The following DST variants were observed in gnomAD, a reference collection of about 807,000 sequenced individuals.
The protein encoded by DST is bullous pemphigoid antigen.
DST carries 253 observed loss-of-function variants against 875.2 expected under a neutral mutation model. The observed-to-expected ratio is 0.29, with a 90% CI of 0.26 to 0.32. The LOEUF (loss-of-function observed/expected upper bound fraction) is 0.32. Among genes scored for constraint, DST ranks in the 10% least tolerant of loss-of-function variants. The pLI, the probability that DST is intolerant of heterozygous loss-of-function variation, is 1.00. For missense variants in DST, 8,287 were observed against 9,111.6 expected (o/e 0.91, Z 3.68); for synonymous variants, 3,124 against 3,197.1 (o/e 0.98, Z 0.77).
chr6:56,684,836 C>T (rs1239760643), intron 9 of DST, among the ~76,000 whole-genome samples: 1 of 152,142 alleles, frequency 6.6e-6, no homozygotes, highest in African/African-American at 2.4e-5. Context: ...TGGAGCTTCT[C>T]GGCTTCTATA....
chr6:56,577,958 G>A (rs1450820142), intron 50 of DST, among the ~76,000 whole-genome samples: 2 of 152,016 alleles, frequency 1.3e-5, no homozygotes, highest in Non-Finnish European at 2.9e-5. Context: ...CAAATGTTGG[G>A]ATTACAGGTG....
chr6:56,477,636 G>T, intron 90 of DST, 148 bp from the exon 91 acceptor site: 1 of 988,572 alleles, frequency 1.0e-6, no homozygotes, highest in Non-Finnish European at 1.5e-6. Context: ...AATTGGGGAG[G>T]AAAAGGGGAC....
At chr6:56,654,145 C>T (rs368400011) in intron 10 of DST, among the ~76,000 whole-genome samples, 5 of 152,104 alleles carry the variant, frequency 3.3e-5, no homozygotes, top group African/African-American at 1.2e-4. Flanking sequence ...ATAATGTGAT[C>T]CTTTGCCACT....
At chr6:56,938,080 CTT>C (rs1332183048) in intron 2 of DST, among the ~76,000 whole-genome samples, 92 of 73,394 alleles carry the variant, frequency 1.3e-3, no homozygotes, top group South Asian at 5.5e-3. Context: ...CTCTCTCTCT[CTT>C]TCTCTCTCTC....
At chr6:56,743,577 AAT>A (rs1244123522) in intron 4 of DST, among the ~76,000 whole-genome samples, 4 of 152,190 alleles carry the variant, frequency 2.6e-5, no homozygotes, top group Non-Finnish European at 5.9e-5. Flanking sequence ...GGATAATAAT[AAT>A]AGCAAACACT....
At chr6:56,580,616 G>A (rs2097957851) in intron 49 of DST, among the ~76,000 whole-genome samples, 1 of 151,374 alleles carries the variant, frequency 6.6e-6, no homozygotes, top group South Asian at 2.1e-4. Flanking sequence ...ATTACAGAAT[G>A]TTCTAGTAGA....
chr6:56,703,439 C>G (rs962608269), intron 7 of DST, among the ~76,000 whole-genome samples: 16 of 152,084 alleles, frequency 1.1e-4, no homozygotes, highest in African/African-American at 3.9e-4. Context: ...ATAAATAATT[C>G]AATCATTTTA....
Position 56,593,752 on chromosome 6 carries a change from C to G in DST, c.12637G>C (p.Gly4213Arg). The change falls in exon 48 of 104, where the codon GGT (glycine) becomes CGT (arginine). Residue 4213 changes from glycine (G) to arginine (R), a missense_variant. Around this residue, in one of 10 missense-constraint regions of DST, gnomAD observed 1,513 missense variants for 1,677.8 expected, o/e 0.90. Coordinates refer to ENST00000680361, the MANE Select transcript of DST (RefSeq NM_001374736.1). Reference protein sequence around the residue: ...EAAKSCSKRDGGKVDTSATHR... With the variant: ...EAAKSCSKRDRGKVDTSATHR... Reference sequence around the variant, plus strand: ...GTTGCAGAAGTATCAACCTTGCCACCGTCTCTCTTGCTGCAAGATTTGGCA... The same window carrying G: ...GTTGCAGAAGTATCAACCTTGCCACGGTCTCTCTTGCTGCAAGATTTGGCA... The G allele has an allele frequency of 6.2e-7, 1 of 1,613,856 alleles. No homozygotes were observed. The highest frequency in any genetic ancestry group is 8.5e-7 in the Non-Finnish European group (1 of 1,179,836).
intron 10 of DST, among the ~76,000 whole-genome samples, chr6:56,665,154 T>G (rs1434085395): frequency 6.6e-6 from 1 of 152,196 alleles, no homozygotes; most frequent in African/African-American, 2.4e-5. Flanking sequence ...AGTTCTTTCA[T>G]TATCCATAAT....
chr6:56,823,218 TTGTTGTC>T (rs2099775245), intron 4 of DST, among the ~76,000 whole-genome samples: 1 of 152,144 alleles, frequency 6.6e-6, no homozygotes, highest in Non-Finnish European at 1.5e-5. Context: ...AATTTTGCCA[TTGTTGTC>T]TAAAGGCACA....
chr6:56,785,233 C>G (rs573091074), intron 4 of DST, among the ~76,000 whole-genome samples: 1 of 152,224 alleles, frequency 6.6e-6, no homozygotes, highest in Non-Finnish European at 1.5e-5. Context: ...AGAACCACTG[C>G]TCTCCTCAAA....
chr6:56,477,584 C>A, intron 90 of DST, 96 bp from the exon 91 acceptor site: 2 of 1,474,654 alleles, frequency 1.4e-6, no homozygotes, highest in Non-Finnish European at 1.9e-6. Flanking sequence ...AACAAATAAA[C>A]AAAAACTTCA....
chr6:56,834,307 A>T lies in DST; in HGVS notation c.625+17090T>A, dbSNP rs1420898347. Among the ~76,000 whole-genome samples, 3 of 152,110 alleles carry T rather than the reference A, an allele frequency of 2.0e-5. No individual in the cohort carries two copies. The East Asian group carries it at 5.8e-4, about 29-fold the overall frequency. On this transcript the variant is annotated intron_variant, in intron 4 of 103. Transcript: ENST00000680361. ...GAAATACACAGATGACAAGCATATAAAAAGATACCAGCCAGGTGCGGTGGC... is the reference window on the plus strand; with the variant it reads ...GAAATACACAGATGACAAGCATATATAAAGATACCAGCCAGGTGCGGTGGC...
At chr6:56,896,629 T>A (rs577376544) in intron 3 of DST, among the ~76,000 whole-genome samples, 1 of 152,334 alleles carries the variant, frequency 6.6e-6, no homozygotes, top group East Asian at 1.9e-4. Flanking sequence ...TCAACCATTT[T>A]TTAATATTTT....
At chr6:56,861,206 C>T (rs1230085146) in intron 3 of DST, among the ~76,000 whole-genome samples, 18 of 152,154 alleles carry the variant, frequency 1.2e-4, no homozygotes, top group Non-Finnish European at 1.5e-5. Context: ...TCATTAAAAA[C>T]AAAAACTTTT....
intron 4 of DST, among the ~76,000 whole-genome samples, chr6:56,798,885 G>A (rs964203339): frequency 6.6e-6 from 1 of 152,192 alleles, no homozygotes; most frequent in African/African-American, 2.4e-5. Flanking sequence ...TTGAAGGGTT[G>A]AGGACTTCAG....
At chr6:56,648,725 G>T in intron 12 of DST, 36 bp from the exon 13 acceptor site, 1 of 1,512,266 alleles carries the variant, frequency 6.6e-7, no homozygotes, top group Non-Finnish European at 8.9e-7. Context: ...GTTCACATCT[G>T]TAGATAATAA....
chr6:56,782,231 G>C (rs1364951422), intron 4 of DST, among the ~76,000 whole-genome samples: 4 of 152,266 alleles, frequency 2.6e-5, no homozygotes, highest in African/African-American at 7.2e-5. Context: ...GATGATGCTG[G>C]CCTCACAAAA....
chr6:56,508,600 CTT>C lies in DST; in HGVS notation c.19166_19167del (p.Gln6389ArgfsTer12), dbSNP rs756573515. The C allele has an allele frequency of 6.2e-7, 1 of 1,613,864 alleles. No individual in the cohort carries two copies. On this transcript the variant is annotated frameshift_variant, in exon 75 of 104. Transcript: ENST00000680361. LOFTEE classifies it high-confidence loss of function. Reference sequence around the variant, plus strand: ...GGATCTTCCAGGTCCCGGATGAAATCTTGAGTATCTTTAATGGTAACTATCAA... The same window carrying C: ...GGATCTTCCAGGTCCCGGATGAAATCGAGTATCTTTAATGGTAACTATCAA... ...MSLIVTIKDTQDFIRDLEDPG... is the reference protein window; with the variant it reads ...MSLIVTIKDTXDFIRDLEDPG...
Sources: allele counts gnomAD v4.1 joint callset (sites outside exome capture counted in the v4.1 genomes callset), GRCh38; gene constraint gnomAD v4.1.1; regional missense constraint gnomAD v4.1.1; transcripts MANE v1.5; gene names NCBI Gene and HGNC (gene_info 2026-07-23, HGNC 2026-07-21).